The following MAGI1 variants were observed in gnomAD, a reference collection of about 807,000 sequenced individuals.
The protein encoded by MAGI1 is membrane-associated guanylate kinase, WW and PDZ domain-containing protein 1.
MAGI1 carries 58 observed loss-of-function variants against 139.9 expected under a neutral mutation model. The ratio of observed to expected loss-of-function variants is 0.41; its 90% CI spans 0.34 to 0.52. MAGI1 has a LOEUF of 0.52. Ranked by LOEUF, MAGI1 falls within the 20% of genes least tolerant of loss-of-function variation. MAGI1 has a pLI of 0.12. For missense variants in MAGI1, 1,874 were observed against 1,901.6 expected (o/e 0.99, Z 0.27); for synonymous variants, 812 against 737.9 (o/e 1.10, Z -1.63).
chr3:65,664,852 G>A (rs932227510), intron 1 of MAGI1, among the ~76,000 whole-genome samples: 5 of 152,034 alleles, frequency 3.3e-5, no homozygotes, highest in African/African-American at 1.2e-4. Context: ...TGTGCTTTTT[G>A]ATGGTAATTT....
intron 1 of MAGI1, among the ~76,000 whole-genome samples, chr3:65,728,864 T>C (rs2033887614): frequency 6.6e-6 from 1 of 152,114 alleles, no homozygotes; most frequent in African/African-American, 2.4e-5. Flanking sequence ...TGAAGCCAAT[T>C]GTTTTTTAAA....
intron 1 of MAGI1, among the ~76,000 whole-genome samples, chr3:65,939,152 T>C (rs2063192654): frequency 6.6e-6 from 1 of 152,212 alleles, no homozygotes; most frequent in South Asian, 2.1e-4. Flanking sequence ...TACTAAGTCA[T>C]CAATGAAATA....
chr3:65,399,962 T>C (rs965721019), intron 13 of MAGI1, among the ~76,000 whole-genome samples: 3 of 152,260 alleles, frequency 2.0e-5, no homozygotes, highest in South Asian at 2.1e-4. Flanking sequence ...CTCCATTCCA[T>C]GTAGGGTGTG....
chr3:65,862,561 A>G (rs2059591125), intron 1 of MAGI1, among the ~76,000 whole-genome samples: 1 of 152,186 alleles, frequency 6.6e-6, no homozygotes, highest in East Asian at 1.9e-4. Flanking sequence ...ACAGCCTCAC[A>G]TGTAACGTGG....
intron 1 of MAGI1, among the ~76,000 whole-genome samples, chr3:65,626,666 C>T (rs1048798874): frequency 1.3e-5 from 2 of 152,122 alleles, no homozygotes; most frequent in South Asian, 2.1e-4. Context: ...TACACCTAAG[C>T]TTATATTCAA....
chr3:65,601,951 A>T (rs936731690), intron 2 of MAGI1, among the ~76,000 whole-genome samples: 6 of 152,188 alleles, frequency 3.9e-5, no homozygotes, highest in African/African-American at 1.4e-4. Flanking sequence ...AAAGGAATTC[A>T]ATAGGCATTT....
intron 1 of MAGI1, among the ~76,000 whole-genome samples, chr3:65,934,237 C>CT (rs894105879): frequency 8.6e-4 from 125 of 146,106 alleles, no homozygotes; most frequent in East Asian, 6.1e-3. Context: ...TGAACTGATT[C>CT]TTTTTTTTTT....
At chr3:65,887,343 C>CA (rs2060574229) in intron 1 of MAGI1, among the ~76,000 whole-genome samples, 2 of 109,120 alleles carry the variant, frequency 1.8e-5, no homozygotes, top group Admixed American at 9.9e-5. Flanking sequence ...ACAAAAACTA[C>CA]AAAAATAAAG....
At chr3:65,509,168 G>GT (rs60284190) in intron 2 of MAGI1, among the ~76,000 whole-genome samples, 5 of 152,154 alleles carry the variant, frequency 3.3e-5, no homozygotes, top group African/African-American at 1.2e-4. Flanking sequence ...CCTCCAATGG[G>GT]TTGTTTCAAA....
intron 2 of MAGI1, among the ~76,000 whole-genome samples, chr3:65,560,657 GGAAA>G (rs2080303027): frequency 6.6e-6 from 1 of 152,130 alleles, no homozygotes; most frequent in Non-Finnish European, 1.5e-5. Flanking sequence ...GAGGGACATA[GGAAA>G]GAAACAGCTC....
chr3:65,632,465 A>G (rs1217867644), intron 1 of MAGI1, among the ~76,000 whole-genome samples: 2 of 152,216 alleles, frequency 1.3e-5, no homozygotes, highest in Non-Finnish European at 2.9e-5. Context: ...TGCCATGATC[A>G]TATTTATTCA....
intron 4 of MAGI1, among the ~76,000 whole-genome samples, chr3:65,472,898 A>G (rs924278092): frequency 1.3e-5 from 2 of 152,252 alleles, no homozygotes; most frequent in Admixed American, 1.3e-4. Flanking sequence ...GCAGTATGAC[A>G]TCAGTGAAAA....
intron 1 of MAGI1, among the ~76,000 whole-genome samples, chr3:65,841,033 A>G (rs2058785437): frequency 1.3e-5 from 2 of 152,168 alleles, no homozygotes; most frequent in South Asian, 4.1e-4. Context: ...AAATTGGTCC[A>G]TCTCATCTCA....
chr3:65,550,338 A>T (rs2079760036), intron 2 of MAGI1, among the ~76,000 whole-genome samples: 1 of 152,318 alleles, frequency 6.6e-6, no homozygotes. Flanking sequence ...GTCCAAGTTC[A>T]AAGTCCTGGA....
intron 1 of MAGI1, among the ~76,000 whole-genome samples, chr3:66,027,145 G>A (rs1247027642): frequency 6.6e-6 from 1 of 151,814 alleles, no homozygotes; most frequent in Non-Finnish European, 1.5e-5. Flanking sequence ...GCGGGTGCCT[G>A]TAGTCTCAGC....
chr3:65,747,217 C>G (rs1020749570), intron 1 of MAGI1, among the ~76,000 whole-genome samples: 1 of 152,108 alleles, frequency 6.6e-6, no homozygotes, highest in South Asian at 2.1e-4. Flanking sequence ...TTTAGGGGAC[C>G]CTCTGAGGAG....
intron 12 of MAGI1, among the ~76,000 whole-genome samples, chr3:65,418,341 C>T (rs1386865795): frequency 1.3e-5 from 2 of 152,166 alleles, no homozygotes; most frequent in Non-Finnish European, 2.9e-5. Context: ...TATCCTCAGT[C>T]CTTCATGAAG....
chr3:65,561,507 G>A (rs116308174), intron 2 of MAGI1, among the ~76,000 whole-genome samples: 2,107 of 152,224 alleles, frequency 0.014, 16 homozygotes, highest in Non-Finnish European at 0.022. Context: ...GAAGTGTTCA[G>A]GAACAAGCTT....
intron 1 of MAGI1, among the ~76,000 whole-genome samples, chr3:65,634,696 T>C (rs1001570348): frequency 6.6e-6 from 1 of 152,288 alleles, no homozygotes; most frequent in East Asian, 1.9e-4. Context: ...CTCATAACAA[T>C]GCAGTGTGTA....
Sources: gnomAD v4.1 joint callset for allele counts (sites outside exome capture counted in the v4.1 genomes callset) on GRCh38, gnomAD v4.1.1 for gene constraint, MANE v1.5 for transcripts, NCBI Gene and HGNC (gene_info 2026-07-23, HGNC 2026-07-21) for gene names.